ADCY1: variants seen among roughly 807,000 people sequenced by gnomAD.
ADCY1 encodes the protein adenylate cyclase type 1.
A neutral mutation model predicts 105.4 loss-of-function variants in ADCY1; 28 were observed. That is an observed-to-expected ratio of 0.27 (90% CI 0.20 to 0.36). The LOEUF is 0.36. ADCY1 is among the 10% of genes least tolerant of loss of function. ADCY1 has a pLI of 1.00. For missense variants in ADCY1, 977 were observed against 1,434.2 expected (o/e 0.68, Z 5.15); for synonymous variants, 655 against 623.8 (o/e 1.05, Z -0.75).
At chr7:45,705,658 G>C (rs1377635214) in intron 17 of ADCY1, among the ~76,000 whole-genome samples, 1 of 152,176 alleles carries the variant, frequency 6.6e-6, no homozygotes, top group Non-Finnish European at 1.5e-5. Flanking sequence ...AAGATGAGAA[G>C]CATGGCGAGA....
intron 14 of ADCY1, among the ~76,000 whole-genome samples, chr7:45,689,773 A>C (rs1329945611): frequency 1.3e-5 from 2 of 152,256 alleles, no homozygotes; most frequent in African/African-American, 4.8e-5. Context: ...GACTGCGGCC[A>C]CAGTGGGTTT....
In ADCY1 at chr7:45,574,619, G is replaced by T; in HGVS notation, c.76G>T (p.Gly26Trp). ...GCCCGGGGGCGCCGAGCGGGCGGCC[G>T]GGACAAGCCGCCGGCGCGGGCTCCG... ...GEPGGAERAA[G>W]TSRRRGLRAC... Residue 26 changes from glycine to tryptophan, a missense_variant, in exon 1 of 20, where the codon GGG (glycine) becomes TGG (tryptophan). Coordinates refer to ENST00000297323, the MANE Select transcript of ADCY1 (RefSeq NM_021116.4). The surrounding 1 kb of genome is among the most constrained non-coding windows in gnomAD (Gnocchi z 7.0). The T allele has an allele frequency of 8.5e-7, 1 of 1,173,846 alleles. No homozygotes were observed. Among genetic ancestry groups the T allele is most frequent in the Non-Finnish European group, 1.1e-6 (1 of 951,526 alleles). 72.7% of individuals were successfully genotyped at this position (1,173,846 alleles called of 1,614,324 possible).
intron 5 of ADCY1, among the ~76,000 whole-genome samples, chr7:45,656,026 A>G (rs918324698): frequency 3.3e-5 from 5 of 152,050 alleles, no homozygotes; most frequent in African/African-American, 7.2e-5. Context: ...GGTGGCTCAC[A>G]CCTGTAATCC....
chr7:45,605,611 T>C (rs887906673), intron 2 of ADCY1, among the ~76,000 whole-genome samples: 11 of 152,220 alleles, frequency 7.2e-5, no homozygotes, highest in African/African-American at 2.7e-4. Context: ...CTGATTGATG[T>C]TTCAATTTTG....
At chr7:45,656,313 A>G (rs1221420046) in intron 5 of ADCY1, among the ~76,000 whole-genome samples, 1 of 152,206 alleles carries the variant, frequency 6.6e-6, no homozygotes, top group African/African-American at 2.4e-5. Context: ...AAAAAAAAAA[A>G]AAAGTATATT....
intron 3 of ADCY1, among the ~76,000 whole-genome samples, chr7:45,616,248 C>T (rs192662254): frequency 3.7e-4 from 57 of 152,278 alleles, no homozygotes; most frequent in Non-Finnish European, 6.5e-4. Context: ...TTCTACCAAA[C>T]ATTTAAAGAA....
At chr7:45,632,558 A>G (rs145267530) in intron 4 of ADCY1, among the ~76,000 whole-genome samples, 24 of 151,000 alleles carry the variant, frequency 1.6e-4, no homozygotes, top group African/African-American at 5.6e-4. Flanking sequence ...TTTTCAGTGT[A>G]TATGTATTTC....
At chr7:45,656,390 C>G (rs975476196) in intron 5 of ADCY1, among the ~76,000 whole-genome samples, 1 of 152,142 alleles carries the variant, frequency 6.6e-6, no homozygotes, top group African/African-American at 2.4e-5. Flanking sequence ...TAATGTAAAT[C>G]TGTGGCATGC....
intron 8 of ADCY1, among the ~76,000 whole-genome samples, chr7:45,663,386 C>T (rs1277253231): frequency 1.3e-5 from 2 of 152,196 alleles, no homozygotes; most frequent in East Asian, 3.9e-4. Context: ...AGACTGGGAC[C>T]ACCTCAAACT....
At chr7:45,622,858 C>A in intron 4 of ADCY1, 115 bp downstream of exon 4, 1 of 790,760 alleles carries the variant, frequency 1.3e-6, no homozygotes, top group Non-Finnish European at 2.0e-6. Flanking sequence ...CTAAGCATTT[C>A]TTCCAGCAAG....
chr7:45,627,385 C>G lies in ADCY1; in HGVS notation c.1020+4642C>G, dbSNP rs1231764353. On this transcript the variant is annotated intron_variant, in intron 4 of 19. Transcript: ENST00000297323. ...TGTGGAACGGGTGCATCCTGTCCAG[C>G]TAACCCTACTCATTCATCACTGTGT... Among the ~76,000 whole-genome samples the G allele has an allele frequency of 3.3e-5, 5 of 152,350 alleles. No individual in the cohort carries two copies. The East Asian group carries it at 9.7e-4, about 29-fold the overall frequency.
intron 4 of ADCY1, among the ~76,000 whole-genome samples, chr7:45,622,983 C>T (rs914611219): frequency 6.6e-6 from 1 of 152,190 alleles, no homozygotes; most frequent in African/African-American, 2.4e-5. Context: ...AGCATGCTGT[C>T]GAATCGGGGC....
At position 45,684,998 on chromosome 7, in the gene ADCY1, C is replaced by T. The variant is rs1249520604; in HGVS notation, c.2003C>T (p.Thr668Met). 5.0e-6 allele frequency: 8 copies of T among 1,614,068 alleles called. No homozygotes were observed. The highest frequency in any genetic ancestry group is 1.1e-5 in the South Asian group (1 of 91,082). ...TRVQCFPGCL[T>M]IQIRTVLCIF... Reference sequence around the variant, plus strand: ...ATTCAGTGTTTTCCAGGGTGCCTGACGATTCAGATTCGCACTGTCCTGTGT... The same window carrying T: ...ATTCAGTGTTTTCCAGGGTGCCTGATGATTCAGATTCGCACTGTCCTGTGT... The change falls in exon 12 of 20, where the codon ACG becomes ATG. Residue 668 changes from threonine to methionine, a missense_variant. This residue lies in a region of ADCY1 where 275 missense variants were observed against 362.1 expected (regional missense o/e 0.76). Coordinates refer to ENST00000297323, the MANE Select transcript of ADCY1 (RefSeq NM_021116.4).
intron 4 of ADCY1, among the ~76,000 whole-genome samples, chr7:45,630,843 T>C (rs1732582129): frequency 6.6e-6 from 1 of 152,214 alleles, no homozygotes; most frequent in South Asian, 2.1e-4. Context: ...TGCTTTGCCA[T>C]GTAAGTTTGC....
At chr7:45,631,395 C>A (rs10951827) in intron 4 of ADCY1, among the ~76,000 whole-genome samples, 61,310 of 152,068 alleles carry the variant, frequency 0.4, 12,794 homozygotes, top group East Asian at 0.71. Flanking sequence ...TCATTCTGCT[C>A]TGTGCAGGAA....
chr7:45,618,689 G>A (rs890851413), intron 3 of ADCY1, among the ~76,000 whole-genome samples: 1 of 152,148 alleles, frequency 6.6e-6, no homozygotes, highest in Non-Finnish European at 1.5e-5. Flanking sequence ...CAGTTAGATT[G>A]GCTATTATCA....
At chr7:45,712,991 C>T (rs1785293142) in intron 19 of ADCY1, among the ~76,000 whole-genome samples, 1 of 152,184 alleles carries the variant, frequency 6.6e-6, no homozygotes, top group Non-Finnish European at 1.5e-5. Flanking sequence ...GTTGCAGAGG[C>T]AGCTATGCCG....
At chr7:45,610,624 T>G (rs1584267795) in intron 3 of ADCY1, 127 bp downstream of exon 3, 3 of 738,590 alleles carry the variant, frequency 4.1e-6, no homozygotes, top group African/African-American at 2.3e-5. Flanking sequence ...AGAATGGGGG[T>G]GTGGAGGTAA....
intron 4 of ADCY1, among the ~76,000 whole-genome samples, chr7:45,639,847 G>C (rs773310282): frequency 6.6e-6 from 1 of 152,140 alleles, no homozygotes; most frequent in Non-Finnish European, 1.5e-5. Flanking sequence ...TGGGCTTGAG[G>C]CTACCTGGAT....
Sources: allele counts gnomAD v4.1 joint callset (sites outside exome capture counted in the v4.1 genomes callset), GRCh38; gene constraint gnomAD v4.1.1; regional missense constraint gnomAD v4.1.1; non-coding constraint Gnocchi (gnomAD v3.1); transcripts MANE v1.5; gene names NCBI Gene and HGNC (gene_info 2026-07-23, HGNC 2026-07-21).